Variants in CLEC4F observed in about 807,000 individuals in gnomAD.
CLEC4F encodes C-type (calcium dependent, carbohydrate-recognition domain) lectin, superfamily member 13.
A neutral mutation model predicts 53.4 loss-of-function variants in CLEC4F; 45 were observed. The ratio of observed to expected loss-of-function variants is 0.84; its 90% confidence interval spans 0.66 to 1.08. The LOEUF (loss-of-function observed/expected upper bound fraction) is 1.08. CLEC4F is among the 50% of genes least tolerant of loss of function. The pLI is 0.00. For missense variants in CLEC4F, 753 were observed against 698.2 expected (o/e 1.08, Z -0.88); for synonymous variants, 245 against 257.5 (o/e 0.95, Z 0.46).
Position 70,817,074 on chromosome 2 carries a change from G to A in CLEC4F, c.307C>T (p.Leu103Phe). Residue 103 changes from leucine to phenylalanine, a missense_variant, in exon 4 of 7, where the codon CTT (leucine) becomes TTT (phenylalanine). By Grantham distance (22) the Leu-to-Phe change is conservative. Transcript: ENST00000272367. Reference sequence around the variant, plus strand: ...ATGTGGCCTTTAAATGTCTGGATAAGCTCTCGCATTTCTGCCTCCCTGCCA... The same window carrying A: ...ATGTGGCCTTTAAATGTCTGGATAAACTCTCGCATTTCTGCCTCCCTGCCA... ...HFGREAEMRELIQTFKGHMEN... is the reference protein window; with the variant it reads ...HFGREAEMREFIQTFKGHMEN... The A allele has an allele frequency of 1.2e-6, 2 of 1,612,652 alleles. No individual in the cohort carries two copies. Among genetic ancestry groups the A allele is most frequent in the East Asian group, 2.2e-5 (1 of 44,904 alleles).
At chr2:70,813,840 A>C (rs60786146) in intron 4 of CLEC4F, among the ~76,000 whole-genome samples, 2,287 of 151,604 alleles carry the variant, frequency 0.015, 56 homozygotes, top group African/African-American at 0.053. Flanking sequence ...CCATGCCCGG[A>C]TATTTTTTTT....
At position 70,816,254 on chromosome 2, in the gene CLEC4F, A is replaced by C; in HGVS notation, c.1127T>G (p.Ile376Ser). ...MENVNTLNAQ[I>S]QVLNGHMKNA... Reference sequence around the variant, plus strand: ...TTTCATATGACCATTTAAGACCTGAATCTGGGCATTTAAGGTATTCACATT... The same window carrying C: ...TTTCATATGACCATTTAAGACCTGACTCTGGGCATTTAAGGTATTCACATT... The change falls in exon 4 of 7, where the codon ATT (isoleucine) becomes AGT (serine). Residue 376 changes from isoleucine to serine, a missense_variant. Transcript: ENST00000272367. 1 of 1,614,172 alleles carries C rather than the reference A, an allele frequency of 6.2e-7. No homozygotes were observed. The highest frequency in any genetic ancestry group is 8.5e-7 in the Non-Finnish European group (1 of 1,180,030).
intron 4 of CLEC4F, among the ~76,000 whole-genome samples, chr2:70,815,564 A>AG (rs1676848406): frequency 6.6e-6 from 1 of 152,180 alleles, no homozygotes; most frequent in African/African-American, 2.4e-5. Context: ...ACTTTGTTAA[A>AG]GGCCTTACAT....
Position 70,819,848 on chromosome 2 carries a change from C to A in CLEC4F, c.105G>T (p.Pro35=), listed in dbSNP as rs370268756. 1 of 1,607,956 alleles carries A rather than the reference C, an allele frequency of 6.2e-7. No individual in the cohort carries two copies. The stretch of plus-strand genomic sequence containing the variant: ...ATGCCGGGGTAGCCTGAACGAGCCT[C>A]GGTATCTTGGGGGCTGCAGGAGCCA... ...VAMAPAAPKI[P]RLVQATPAFM... Residue 35 remains proline, a synonymous_variant, in exon 2 of 7, where the codon CCG becomes CCT. Coordinates refer to ENST00000272367, the MANE Select transcript of CLEC4F (RefSeq NM_173535.3).
Position 70,809,338 on chromosome 2 carries a change from A to T in CLEC4F, c.1703T>A (p.Val568Glu), listed in dbSNP as rs1553393527. The change falls in exon 7 of 7, where the codon GTG (valine) becomes GAG (glutamate). Residue 568 changes from valine to glutamate, a missense_variant. Transcript: ENST00000272367. ...GSCPLRKYII[V>E]NSGMGACSFI... ...GCTGCAAGCTCCCATCCCAGAATTC[A>T]CAATAATATACTTTCTGAGTGGGCA... 6.2e-7 allele frequency: 1 copy of T among 1,613,596 alleles called. No homozygotes were observed. The highest frequency in any genetic ancestry group is 8.5e-7 in the Non-Finnish European group (1 of 1,179,816).
chr2:70,812,139 A>G (rs1676602989), intron 5 of CLEC4F, among the ~76,000 whole-genome samples: 1 of 152,134 alleles, frequency 6.6e-6, no homozygotes, highest in South Asian at 2.1e-4. Context: ...AAACAAATGC[A>G]AGAGAAGGGA....
At chr2:70,817,195 C>T in intron 3 of CLEC4F, 83 bp from the exon 4 acceptor site, 13 of 1,428,764 alleles carry the variant, frequency 9.1e-6, no homozygotes, top group South Asian at 1.4e-5. Context: ...GTGTTTCTAA[C>T]ATTTCCAAGG....
At chr2:70,813,149 G>A (rs547238721) in intron 4 of CLEC4F, among the ~76,000 whole-genome samples, 14 of 152,284 alleles carry the variant, frequency 9.2e-5, no homozygotes, top group East Asian at 3.9e-4. Flanking sequence ...GCTCTTTGGC[G>A]TCATCTATGC....
At position 70,820,475 on chromosome 2, in the gene CLEC4F, G is replaced by A. The variant is rs781852392; in HGVS notation, c.49C>T (p.Leu17=). Reference sequence around the variant, plus strand: ...CCAGTTTTCTCACCTTGGGGGTGCAGGGAGACACACTGGTTATCTGTGCAG... The same window carrying A: ...CCAGTTTTCTCACCTTGGGGGTGCAAGGAGACACACTGGTTATCTGTGCAG... ...RFCTDNQCVS[L]HPQEVDSVAM... is the part of the protein sequence containing the mutation. The change falls in exon 1 of 7, where the codon CTG becomes TTG. Residue 17 remains leucine (L), a synonymous_variant. Transcript: ENST00000272367. 6.3e-7 allele frequency: 1 copy of A among 1,587,884 alleles called. No individual in the cohort carries two copies. The highest frequency in any genetic ancestry group is 1.1e-5 in the South Asian group (1 of 87,294).
chr2:70,821,004 C>T (rs181244716), upstream of CLEC4F, among the ~76,000 whole-genome samples: 2 of 152,100 alleles, frequency 1.3e-5, no homozygotes. Context: ...AAGGAGGAAG[C>T]GGGGTGACCA....
At position 70,809,195 on chromosome 2, in the gene CLEC4F, C is replaced by T. The variant is rs1553393443; in HGVS notation, c.*76G>A. ...GGGAGCTGACTTGAGATGGGTCCTT[C>T]ATCCCCTAGTGGCCCTAGGATGAGG... On this transcript the variant is annotated 3_prime_UTR_variant, in exon 7 of 7. Transcript: ENST00000272367. 1 of 1,572,992 alleles carries T rather than the reference C, an allele frequency of 6.4e-7. No homozygotes were observed. The highest frequency in any genetic ancestry group is 1.2e-5 in the South Asian group (1 of 85,796).
At position 70,819,389 on chromosome 2, in the gene CLEC4F, G is replaced by A. The variant is rs369895578; in HGVS notation, c.234C>T (p.Asp78=). The A allele has an allele frequency of 1.8e-5, 29 of 1,613,964 alleles. No individual in the cohort carries two copies. The highest frequency in any genetic ancestry group is 2.5e-5 in the Non-Finnish European group (29 of 1,180,014). The part of the protein sequence containing the change: ...PKPVQAVILG[D]NITGHLPFEP... ...CAAAAGGTAAATGCCCAGTAATGTT[G>A]TCTCCCAGAATTACGGCTTGCACAG... The change falls in exon 3 of 7, where the codon GAC becomes GAT. Residue 78 remains aspartate, a synonymous_variant. Coordinates refer to ENST00000272367, the MANE Select transcript of CLEC4F (RefSeq NM_173535.3).
intron 3 of CLEC4F, among the ~76,000 whole-genome samples, 157 bp from the exon 4 acceptor site, chr2:70,817,269 G>A (rs1378392018): frequency 6.6e-6 from 1 of 152,150 alleles, no homozygotes; most frequent in Non-Finnish European, 1.5e-5. Context: ...CAGCCACCCA[G>A]ACCCTGGGGA....
At chr2:70,824,202 T>C (rs183784454), upstream of CLEC4F, among the ~76,000 whole-genome samples, 4 of 152,162 alleles carry the variant, frequency 2.6e-5, no homozygotes, top group East Asian at 1.9e-4. Flanking sequence ...AGCACTTGTA[T>C]TCAGCAGTAC....
intron 4 of CLEC4F, among the ~76,000 whole-genome samples, chr2:70,813,531 C>CTTTT (rs1161381660): frequency 6.7e-6 from 1 of 149,488 alleles, no homozygotes; most frequent in Non-Finnish European, 1.5e-5. Flanking sequence ...TTCTTTCTTT[C>CTTTT]TTTCTTTTTT....
upstream of CLEC4F, among the ~76,000 whole-genome samples, chr2:70,823,089 C>T (rs769266821): frequency 2.0e-5 from 3 of 151,904 alleles, no homozygotes; most frequent in African/African-American, 4.8e-5. Context: ...CGGTTGCCCA[C>T]ACCCAGTTCA....
At chr2:70,819,971 T>TG in intron 1 of CLEC4F, 80 bp from the exon 2 acceptor site, 6 of 899,808 alleles carry the variant, frequency 6.7e-6, no homozygotes, top group Non-Finnish European at 1.0e-5. Flanking sequence ...AGACACAGCC[T>TG]CTCTGATTCT....
chr2:70,821,337 A>C (rs1677212201), upstream of CLEC4F, among the ~76,000 whole-genome samples: 1 of 152,162 alleles, frequency 6.6e-6, no homozygotes. Flanking sequence ...ACCCTTAGAT[A>C]ATTTCAGGCT....
intron 6 of CLEC4F, 110 bp downstream of exon 6, chr2:70,809,629 C>G (rs1321444195): frequency 1.3e-6 from 1 of 777,866 alleles, no homozygotes. Context: ...ACACACGTCA[C>G]ACACACATAT....
Sources: allele counts gnomAD v4.1 joint callset (sites outside exome capture counted in the v4.1 genomes callset), GRCh38; gene constraint gnomAD v4.1.1; transcripts MANE v1.5; gene names NCBI Gene and HGNC (gene_info 2026-07-23, HGNC 2026-07-21).